The following RBFOX1 variants were observed in gnomAD, a reference collection of about 807,000 sequenced individuals.
RBFOX1 encodes RNA binding protein fox-1 homolog 1.
A neutral mutation model predicts 57.7 loss-of-function variants in RBFOX1; 8 were observed. That is an observed-to-expected ratio of 0.14 (90% CI 0.08 to 0.25). RBFOX1 has a LOEUF of 0.25. Among genes scored for constraint, RBFOX1 ranks in the 10% least tolerant of loss-of-function variants. RBFOX1 has a pLI of 1.00. For synonymous variants in RBFOX1, 326 were observed against 222.4 expected (o/e 1.47, Z -4.15); for missense variants, 611 against 548.5 (o/e 1.11, Z -1.14).
chr16:5,308,356 C>T (rs956592716), intron 1 of RBFOX1, among the ~76,000 whole-genome samples: 1 of 148,692 alleles, frequency 6.7e-6, no homozygotes, highest in South Asian at 2.1e-4. Flanking sequence ...GAAAAAAAAT[C>T]ACTTTCTGCC....
chr16:6,669,389 A>G (rs1053694711), intron 3 of RBFOX1, among the ~76,000 whole-genome samples: 2 of 152,212 alleles, frequency 1.3e-5, no homozygotes, highest in African/African-American at 4.8e-5. Flanking sequence ...ATAAAGCCAT[A>G]AAAACTGTGT....
intron 3 of RBFOX1, among the ~76,000 whole-genome samples, chr16:6,753,098 A>T (rs1310923033): frequency 6.6e-6 from 1 of 152,178 alleles, no homozygotes; most frequent in Non-Finnish European, 1.5e-5. Flanking sequence ...CAAATATTGA[A>T]CTTGAGTAAA....
chr16:6,881,320 A>C (rs574992102), intron 3 of RBFOX1, among the ~76,000 whole-genome samples: 8 of 152,186 alleles, frequency 5.3e-5, no homozygotes, highest in African/African-American at 1.7e-4. Flanking sequence ...GTTTGCTTGG[A>C]CTGCCATAAC....
intron 4 of RBFOX1, among the ~76,000 whole-genome samples, chr16:5,878,580 T>C (rs17138789): frequency 6.6e-6 from 1 of 152,176 alleles, no homozygotes; most frequent in African/African-American, 2.4e-5. Flanking sequence ...CTTCTCCTGA[T>C]AAATGTTGCT....
intron 1 of RBFOX1, among the ~76,000 whole-genome samples, chr16:6,231,814 A>T (rs1265915973): frequency 6.8e-6 from 1 of 147,222 alleles, no homozygotes; most frequent in African/African-American, 2.5e-5. Context: ...TAATTGGAAA[A>T]ATTCTGTAGC....
chr16:5,547,314 G>GT lies in RBFOX1; in HGVS notation c.259-51588_259-51587insT, dbSNP rs1481177606. 1.2e-4 allele frequency among the ~76,000 whole-genome samples: 19 copies of GT among 152,244 alleles called. No homozygotes were observed. In the East Asian group the frequency reaches 3.7e-3, roughly 29 times the overall value. On this transcript the variant is annotated intron_variant, in intron 2 of 2. Coordinates refer to the RBFOX1 transcript ENST00000585867. ...AACACACATGTGCATGAACATTGAT[G>GT]GTGATTTTATTTATCAGAGCCAAAA...
At chr16:7,008,086 C>G (rs193152037) in intron 3 of RBFOX1, among the ~76,000 whole-genome samples, 45 of 152,276 alleles carry the variant, frequency 3.0e-4, no homozygotes, top group South Asian at 1.9e-3. Flanking sequence ...TCAGCCACAG[C>G]TACTCCTCTT....
chr16:5,760,480 C>G (rs1375305135), intron 3 of RBFOX1, among the ~76,000 whole-genome samples: 2 of 152,062 alleles, frequency 1.3e-5, no homozygotes, highest in African/African-American at 2.4e-5. Flanking sequence ...GCATTCCTCA[C>G]AATAATAATG....
chr16:7,652,009 A>G lies in RBFOX1; in HGVS notation c.758-1806A>G, dbSNP rs138770573. On this transcript the variant is annotated intron_variant, in intron 11 of 15. Transcript: ENST00000550418. ...TGGGCCCTGATGAGTTAGGATTTGC[A>G]TGAGAAGGGAGGAAGGGCATCCCAG... Among the ~76,000 whole-genome samples the G allele has an allele frequency of 6.4e-4, 98 of 152,086 alleles. No homozygotes were observed. In the East Asian group the frequency reaches 7.8e-3, roughly 12 times the overall value.
chr16:6,751,721 G>A (rs1029163946), intron 3 of RBFOX1, among the ~76,000 whole-genome samples: 11 of 152,152 alleles, frequency 7.2e-5, no homozygotes, highest in African/African-American at 2.7e-4. Flanking sequence ...GATAGAGCCA[G>A]AAGCGGCATT....
chr16:7,020,802 C>T (rs1359943745), intron 3 of RBFOX1, among the ~76,000 whole-genome samples: 1 of 152,104 alleles, frequency 6.6e-6, no homozygotes. Flanking sequence ...CCAGTATCCA[C>T]CACCCTGACC....
At chr16:5,874,171 C>G (rs1467370328) in intron 4 of RBFOX1, among the ~76,000 whole-genome samples, 1 of 152,204 alleles carries the variant, frequency 6.6e-6, no homozygotes, top group Non-Finnish European at 1.5e-5. Context: ...TAACAGCAGC[C>G]TTTCCAATGT....
intron 3 of RBFOX1, among the ~76,000 whole-genome samples, chr16:6,907,698 G>C (rs901948283): frequency 1.3e-5 from 2 of 152,142 alleles, no homozygotes; most frequent in Non-Finnish European, 2.9e-5. Flanking sequence ...AGCCTCCTGA[G>C]TAGCTGGGAT....
chr16:6,879,344 C>T (rs935300754), intron 3 of RBFOX1, among the ~76,000 whole-genome samples: 3 of 152,184 alleles, frequency 2.0e-5, no homozygotes, highest in African/African-American at 7.2e-5. Flanking sequence ...GACACTCTGT[C>T]TCCTATCTTT....
intron 4 of RBFOX1, among the ~76,000 whole-genome samples, chr16:7,078,452 G>C (rs2058640574): frequency 6.6e-6 from 1 of 151,952 alleles, no homozygotes. Flanking sequence ...GATTCAAGCG[G>C]TTCTCCTACC....
At chr16:7,053,900 G>A (rs570965571) in intron 4 of RBFOX1, among the ~76,000 whole-genome samples, 260 of 152,126 alleles carry the variant, frequency 1.7e-3, no homozygotes, top group African/African-American at 6.0e-3. Flanking sequence ...TTGATAGATG[G>A]CACATTTGAT....
intron 4 of RBFOX1, among the ~76,000 whole-genome samples, chr16:7,188,079 T>G (rs76912210): frequency 6.6e-6 from 1 of 152,228 alleles, no homozygotes; most frequent in East Asian, 1.9e-4. Flanking sequence ...TCACATTTTT[T>G]GCATGCAATG....
intron 1 of RBFOX1, among the ~76,000 whole-genome samples, chr16:6,064,636 G>T (rs1273077285): frequency 3.3e-5 from 5 of 152,070 alleles, no homozygotes. Context: ...CGCCTCCCGG[G>T]TTCCAGTGAT....
chr16:6,122,611 C>T (rs2096559294), intron 1 of RBFOX1, among the ~76,000 whole-genome samples: 1 of 152,130 alleles, frequency 6.6e-6, no homozygotes, highest in South Asian at 2.1e-4. Flanking sequence ...GACACCCGCT[C>T]CCCATTAATG....
Sources: allele counts gnomAD v4.1 joint callset (sites outside exome capture counted in the v4.1 genomes callset), GRCh38; gene constraint gnomAD v4.1.1; transcripts MANE v1.5; gene names NCBI Gene and HGNC (gene_info 2026-07-23, HGNC 2026-07-21).